The following SDK1 variants were observed in gnomAD, a reference collection of about 807,000 sequenced individuals.
SDK1 encodes sidekick cell adhesion molecule 1.
A neutral mutation model predicts 245.5 loss-of-function variants in SDK1; 157 were observed. The observed-to-expected ratio is 0.64, with a 90% CI of 0.56 to 0.73. The LOEUF (loss-of-function observed/expected upper bound fraction) is 0.73. Among genes scored for constraint, SDK1 ranks in the 30% least tolerant of loss-of-function variants. SDK1 has a pLI of 0.00. For missense variants in SDK1, 3,583 were observed against 3,002.3 expected, an observed-to-expected ratio of 1.19 and a Z score of -4.52; for synonymous variants, 1,647 against 1,278.5, an observed-to-expected ratio of 1.29 and a Z score of -6.15.
chr7:4,000,563 G>A (rs372944313), intron 14 of SDK1, among the ~76,000 whole-genome samples: 1 of 152,096 alleles, frequency 6.6e-6, no homozygotes. Context: ...GAACCCGTCA[G>A]CCGTCTCCAC....
chr7:4,137,760 G>A (rs911314946), intron 28 of SDK1, among the ~76,000 whole-genome samples: 4 of 152,184 alleles, frequency 2.6e-5, no homozygotes, highest in African/African-American at 9.7e-5. Flanking sequence ...CCGTCTTCTG[G>A]CCTTGCGTCG....
chr7:3,311,871 C>T (rs1048999443), intron 1 of SDK1, among the ~76,000 whole-genome samples: 3 of 152,144 alleles, frequency 2.0e-5, no homozygotes, highest in Non-Finnish European at 2.9e-5. Flanking sequence ...GAGCTCAAGG[C>T]CTGTGGTGGT....
At chr7:4,122,512 A>G (rs1784132882) in intron 25 of SDK1, among the ~76,000 whole-genome samples, 1 of 152,246 alleles carries the variant, frequency 6.6e-6, no homozygotes, top group Non-Finnish European at 1.5e-5. Flanking sequence ...AAACACGCAG[A>G]GAACACACAG....
chr7:3,494,392 ACT>A (rs1166968267), intron 1 of SDK1, among the ~76,000 whole-genome samples: 1 of 152,148 alleles, frequency 6.6e-6, no homozygotes, highest in Non-Finnish European at 1.5e-5. Flanking sequence ...GTGGCAAATA[ACT>A]CTGCAGTGTA....
chr7:3,786,306 T>G (rs1206073895), intron 4 of SDK1, among the ~76,000 whole-genome samples: 1 of 152,194 alleles, frequency 6.6e-6, no homozygotes, highest in Non-Finnish European at 1.5e-5. Flanking sequence ...TGTTGCAGAG[T>G]TAAACACAGC....
chr7:4,135,570 G>A (rs1201880621), intron 28 of SDK1, among the ~76,000 whole-genome samples: 2 of 152,222 alleles, frequency 1.3e-5, no homozygotes, highest in African/African-American at 4.8e-5. Flanking sequence ...CTGCATCACG[G>A]ACAAGTAGGC....
At chr7:3,604,161 C>G (rs1054045157) in intron 1 of SDK1, among the ~76,000 whole-genome samples, 1 of 152,166 alleles carries the variant, frequency 6.6e-6, no homozygotes. Flanking sequence ...GGTTGTGTCT[C>G]TGCCAGGCTT....
At chr7:3,904,984 C>CA (rs2128106632) in intron 5 of SDK1, among the ~76,000 whole-genome samples, 1 of 135,316 alleles carries the variant, frequency 7.4e-6, no homozygotes, top group East Asian at 2.0e-4. Context: ...CAGAGCGAGA[C>CA]TCCGTCTCAA....
intron 1 of SDK1, among the ~76,000 whole-genome samples, chr7:3,492,184 A>G (rs1013601955): frequency 2.0e-5 from 3 of 152,242 alleles, no homozygotes; most frequent in African/African-American, 7.2e-5. Context: ...AGCATTTTCA[A>G]AATGCTCCTT....
chr7:3,707,243 T>C (rs1039591861), intron 4 of SDK1, among the ~76,000 whole-genome samples: 8 of 152,252 alleles, frequency 5.3e-5, no homozygotes, highest in African/African-American at 1.9e-4. Flanking sequence ...GAAGTTTTGA[T>C]AACTTGTGTC....
At chr7:3,744,408 G>A (rs1010028001) in intron 4 of SDK1, among the ~76,000 whole-genome samples, 16 of 151,926 alleles carry the variant, frequency 1.1e-4, no homozygotes, top group African/African-American at 3.4e-4. Flanking sequence ...GACTTCATCT[G>A]CCAAACATAT....
chr7:3,729,958 A>T (rs1779130444), intron 4 of SDK1, among the ~76,000 whole-genome samples: 1 of 152,054 alleles, frequency 6.6e-6, no homozygotes, highest in Non-Finnish European at 1.5e-5. Context: ...AGTAATTTTC[A>T]TTTTGTTGAA....
chr7:3,686,265 G>A (rs529992857), intron 4 of SDK1, among the ~76,000 whole-genome samples: 35 of 152,134 alleles, frequency 2.3e-4, no homozygotes, highest in Non-Finnish European at 4.4e-4. Flanking sequence ...TAGTAGAGAC[G>A]GGGTTTCACC....
chr7:4,013,409 T>C (rs926080675), intron 16 of SDK1, among the ~76,000 whole-genome samples: 16 of 152,240 alleles, frequency 1.1e-4, no homozygotes, highest in African/African-American at 3.9e-4. Context: ...ACCAGTGATA[T>C]TGGGACAAGA....
chr7:3,672,766 T>TACATATATATATATATATAC (rs1226753258), intron 4 of SDK1, among the ~76,000 whole-genome samples: 3 of 74,294 alleles, frequency 4.0e-5, no homozygotes, highest in Non-Finnish European at 7.8e-5. Flanking sequence ...ATTTTATATA[T>TACATATATATATATATATAC]ATATATATAT....
Position 3,781,642 on chromosome 7 carries a change from C to G in SDK1, c.714-39808C>G, listed in dbSNP as rs1157359247. On this transcript the variant is annotated intron_variant, in intron 4 of 44. Transcript: ENST00000404826. ...AGTACTCATAAAGAAGTTCAGTGAA[C>G]TACAAGAATCTATGGATAGAAAATT... is the stretch of plus-strand genomic sequence containing the variant. Among the ~76,000 whole-genome samples the G allele has an allele frequency of 2.0e-5, 3 of 151,810 alleles. No individual in the cohort carries two copies. The East Asian group carries it at 5.8e-4, about 29-fold the overall frequency.
intron 1 of SDK1, among the ~76,000 whole-genome samples, chr7:3,464,128 T>TA (rs1490205558): frequency 1.3e-5 from 2 of 152,226 alleles, no homozygotes; most frequent in Admixed American, 1.3e-4. Flanking sequence ...TGAGAACAAT[T>TA]ACACTGACGC....
At chr7:3,561,773 G>C (rs1407327267) in intron 1 of SDK1, among the ~76,000 whole-genome samples, 1 of 152,138 alleles carries the variant, frequency 6.6e-6, no homozygotes, top group Non-Finnish European at 1.5e-5. Flanking sequence ...AGAATACACT[G>C]TTTCTAACAA....
intron 5 of SDK1, among the ~76,000 whole-genome samples, chr7:3,893,655 A>C (rs1022410701): frequency 3.3e-5 from 5 of 151,494 alleles, no homozygotes; most frequent in Non-Finnish European, 5.9e-5. Context: ...TTAAGAGATA[A>C]AGAAACAGTG....
Sources: gnomAD v4.1 joint callset for allele counts (sites outside exome capture counted in the v4.1 genomes callset) on GRCh38, gnomAD v4.1.1 for gene constraint, MANE v1.5 for transcripts, NCBI Gene and HGNC (gene_info 2026-07-23, HGNC 2026-07-21) for gene names.